Variants in GPC5 observed in about 807,000 individuals in gnomAD.
GPC5 encodes the protein glypican 5, also known as glypican-5.
A neutral mutation model predicts 53.9 loss-of-function variants in GPC5; 47 were observed. The observed-to-expected ratio is 0.87, with a 90% confidence interval of 0.69 to 1.11. The LOEUF (loss-of-function observed/expected upper bound fraction) is 1.11. GPC5 is among the 50% of genes most tolerant of loss of function. The pLI, the probability that GPC5 is intolerant of heterozygous loss-of-function variation, is 0.00. For missense variants in GPC5, 748 were observed against 713.1 expected (o/e 1.05, Z -0.56); for synonymous variants, 286 against 263.3 (o/e 1.09, Z -0.84).
intron 2 of GPC5, among the ~76,000 whole-genome samples, chr13:91,482,258 C>T (rs1002570172): frequency 3.9e-5 from 6 of 152,098 alleles, no homozygotes; most frequent in Admixed American, 1.3e-4. Context: ...TCTGTTTATG[C>T]GAGGAACAGT....
intron 7 of GPC5, among the ~76,000 whole-genome samples, chr13:92,574,301 A>G (rs1883125961): frequency 6.6e-6 from 1 of 152,202 alleles, no homozygotes; most frequent in Non-Finnish European, 1.5e-5. Flanking sequence ...GAGTGCATCC[A>G]TCTAGAAACT....
intron 2 of GPC5, among the ~76,000 whole-genome samples, chr13:91,608,780 T>G: frequency 6.6e-6 from 1 of 152,130 alleles, no homozygotes; most frequent in Non-Finnish European, 1.5e-5. Flanking sequence ...TATTTAGTTT[T>G]GTGTAATAAG....
intron 7 of GPC5, among the ~76,000 whole-genome samples, chr13:92,465,077 C>A (rs916619957): frequency 6.6e-6 from 1 of 151,754 alleles, no homozygotes; most frequent in African/African-American, 2.4e-5. Context: ...CCAGAATTTG[C>A]AAAATTAGTT....
At chr13:92,174,571 A>AC (rs1412201464) in intron 7 of GPC5, among the ~76,000 whole-genome samples, 5 of 151,724 alleles carry the variant, frequency 3.3e-5, no homozygotes, top group Non-Finnish European at 7.4e-5. Flanking sequence ...AACAACAACA[A>AC]AAAAAACAAA....
At chr13:92,560,857 A>ATATGTGTG (rs1555290505) in intron 7 of GPC5, among the ~76,000 whole-genome samples, 1 of 139,152 alleles carries the variant, frequency 7.2e-6, no homozygotes, top group Admixed American at 7.4e-5. Flanking sequence ...AGAAAATTAT[A>ATATGTGTG]TGTGTGTGTG....
chr13:92,324,475 C>T (rs1312334656), intron 7 of GPC5, among the ~76,000 whole-genome samples: 2 of 151,862 alleles, frequency 1.3e-5, no homozygotes, highest in East Asian at 3.9e-4. Context: ...TGTAGGCCAA[C>T]ATCAGAGAAA....
intron 6 of GPC5, among the ~76,000 whole-genome samples, chr13:92,034,899 T>C (rs569144574): frequency 3.9e-5 from 6 of 152,280 alleles, no homozygotes; most frequent in African/African-American, 1.4e-4. Flanking sequence ...TGTTCTATTA[T>C]GGTAAATTTT....
At chr13:92,733,692 A>G (rs900447761) in intron 7 of GPC5, among the ~76,000 whole-genome samples, 2 of 151,814 alleles carry the variant, frequency 1.3e-5, no homozygotes, top group African/African-American at 4.8e-5. Flanking sequence ...TTTCAGCACA[A>G]TAGGCACATG....
chr13:92,714,755 G>T (rs1888268013), intron 7 of GPC5, among the ~76,000 whole-genome samples: 1 of 152,018 alleles, frequency 6.6e-6, no homozygotes, highest in African/African-American at 2.4e-5. Flanking sequence ...AAAAGCACTT[G>T]GCCAAACAAC....
At chr13:91,731,769 A>AG (rs2036704006) in intron 4 of GPC5, among the ~76,000 whole-genome samples, 1 of 152,154 alleles carries the variant, frequency 6.6e-6, no homozygotes, top group African/African-American at 2.4e-5. Flanking sequence ...CTTAGGAGTG[A>AG]GAACATGCGG....
At chr13:92,798,329 A>G (rs1876779547) in intron 7 of GPC5, among the ~76,000 whole-genome samples, 1 of 151,938 alleles carries the variant, frequency 6.6e-6, no homozygotes, top group South Asian at 2.1e-4. Context: ...TGTAAAGGGC[A>G]GTTACACTTA....
At chr13:92,535,234 T>C (rs1253882730) in intron 7 of GPC5, among the ~76,000 whole-genome samples, 1 of 152,146 alleles carries the variant, frequency 6.6e-6, no homozygotes, top group African/African-American at 2.4e-5. Flanking sequence ...ATGTTTCTCA[T>C]GTCTGCTTCA....
chr13:92,834,416 A>G (rs538347131), intron 7 of GPC5, among the ~76,000 whole-genome samples: 1 of 152,244 alleles, frequency 6.6e-6, no homozygotes, highest in African/African-American at 2.4e-5. Flanking sequence ...TGCTTCTACT[A>G]ACTCTGACTT....
chr13:92,198,788 A>G (rs1350890455), intron 7 of GPC5, among the ~76,000 whole-genome samples: 1 of 152,142 alleles, frequency 6.6e-6, no homozygotes, highest in Non-Finnish European at 1.5e-5. Flanking sequence ...ATTTCTGACA[A>G]TTTGGGGAGA....
chr13:92,705,452 G>T (rs987549703), intron 7 of GPC5, among the ~76,000 whole-genome samples: 1 of 152,076 alleles, frequency 6.6e-6, no homozygotes, highest in Non-Finnish European at 1.5e-5. Flanking sequence ...ATGAAATGTA[G>T]CTATTCCATA....
intron 6 of GPC5, among the ~76,000 whole-genome samples, chr13:92,128,994 A>G (rs1278749166): frequency 6.6e-6 from 1 of 152,090 alleles, no homozygotes; most frequent in Non-Finnish European, 1.5e-5. Flanking sequence ...TAAAATCTTC[A>G]AGAATACCAA....
At chr13:92,107,995 T>C (rs919782525) in intron 6 of GPC5, among the ~76,000 whole-genome samples, 2 of 152,170 alleles carry the variant, frequency 1.3e-5, no homozygotes, top group Admixed American at 1.3e-4. Flanking sequence ...TAACCTATTA[T>C]ATAATCTTCC....
At chr13:92,562,227 CTT>C (rs1233481541) in intron 7 of GPC5, among the ~76,000 whole-genome samples, 4 of 152,056 alleles carry the variant, frequency 2.6e-5, no homozygotes, top group Non-Finnish European at 5.9e-5. Context: ...CAGAAAATCT[CTT>C]ATGAATTTCA....
intron 7 of GPC5, among the ~76,000 whole-genome samples, chr13:92,601,570 A>G (rs1884059314): frequency 6.6e-6 from 1 of 151,260 alleles, no homozygotes; most frequent in Admixed American, 6.6e-5. Context: ...AAAAAAAAAA[A>G]AAAAAAAGAA....
Sources: allele counts gnomAD v4.1 joint callset (sites outside exome capture counted in the v4.1 genomes callset), GRCh38; gene constraint gnomAD v4.1.1; transcripts MANE v1.5; gene names NCBI Gene and HGNC (gene_info 2026-07-23, HGNC 2026-07-21).